DYM: variants seen among roughly 807,000 people sequenced by gnomAD.
The protein encoded by DYM is dyggve-Melchior-Clausen syndrome protein.
A neutral mutation model predicts 93.1 loss-of-function variants in DYM; 78 were observed. That is an observed-to-expected ratio of 0.84 (90% confidence interval 0.70 to 1.01). The LOEUF (loss-of-function observed/expected upper bound fraction) is 1.01, where lower values mean the gene tolerates loss of function less well. Among genes scored for constraint, DYM ranks in the 50% least tolerant of loss-of-function variants. The probability of loss-of-function intolerance (pLI) is 0.00; values close to 1 mark genes in which losing one functional copy is unlikely to be tolerated. For missense variants in DYM, 789 were observed against 845.0 expected, an observed-to-expected ratio of 0.93 and a Z score of 0.82; for synonymous variants, 321 against 319.7, an observed-to-expected ratio of 1.00 and a Z score of -0.04.
At chr18:49,090,609 A>C (rs2078958813) in intron 17 of DYM, among the ~76,000 whole-genome samples, 1 of 152,210 alleles carries the variant, frequency 6.6e-6, no homozygotes, top group Non-Finnish European at 1.5e-5. Flanking sequence ...CTCTACATGG[A>C]TCAGGGAAAG....
Position 49,414,584 on chromosome 18 carries a change from G to T in DYM, c.140+15671C>A, listed in dbSNP as rs1319963588. ...GGCTGTTCTGCTACACGGGCCTTTT[G>T]CTGCTCTTCTAACAAGCAGAACTTA... On this transcript the variant is annotated intron_variant, in intron 2 of 17. Coordinates refer to ENST00000675505, the MANE Select transcript of DYM (RefSeq NM_001353214.3). 2.0e-5 allele frequency among the ~76,000 whole-genome samples: 3 copies of T among 152,088 alleles called. No individual in the cohort carries two copies. In the East Asian group the frequency reaches 5.8e-4, roughly 29 times the overall value.
At chr18:49,348,011 G>T (rs1219691633) in intron 6 of DYM, among the ~76,000 whole-genome samples, 3 of 152,188 alleles carry the variant, frequency 2.0e-5, no homozygotes, top group Non-Finnish European at 4.4e-5. Flanking sequence ...GCTGGAGCAA[G>T]TTATTAATTT....
intron 13 of DYM, among the ~76,000 whole-genome samples, chr18:49,231,064 T>C (rs956294242): frequency 2.6e-5 from 4 of 152,208 alleles, no homozygotes; most frequent in African/African-American, 9.6e-5. Flanking sequence ...TTTAGATAGA[T>C]ATATTAGCTT....
intron 13 of DYM, among the ~76,000 whole-genome samples, chr18:49,220,614 A>C (rs1014238140): frequency 4.6e-5 from 7 of 152,068 alleles, no homozygotes; most frequent in African/African-American, 1.7e-4. Flanking sequence ...ATCTACAACT[A>C]TCTGATCGTT....
At chr18:49,132,293 G>A (rs1000958559) in intron 15 of DYM, among the ~76,000 whole-genome samples, 2 of 151,904 alleles carry the variant, frequency 1.3e-5, no homozygotes, top group Non-Finnish European at 2.9e-5. Flanking sequence ...TGAGATATGG[G>A]GGTTCATTAA....
intron 17 of DYM, among the ~76,000 whole-genome samples, chr18:49,056,667 A>G (rs1381500523): frequency 3.3e-5 from 5 of 151,540 alleles, no homozygotes; most frequent in Non-Finnish European, 2.9e-5. Context: ...ACTCCCTAGT[A>G]GCAGGGACTA....
At chr18:49,409,482 C>T (rs2148169893) in intron 2 of DYM, among the ~76,000 whole-genome samples, 1 of 152,196 alleles carries the variant, frequency 6.6e-6, no homozygotes, top group East Asian at 1.9e-4. Flanking sequence ...GATCTGCTCT[C>T]CACCACAACT....
Position 49,435,408 on chromosome 18 carries a change from T to C in DYM, c.-53-4961A>G, listed in dbSNP as rs534946864. On this transcript the variant is annotated intron_variant, in intron 1 of 17. Coordinates refer to ENST00000675505, the MANE Select transcript of DYM (RefSeq NM_001353214.3). ...TAAATGTAGATTACAAACTCTAGGG[T>C]AAACACTAAAACAGTAAAAAAAAAA... Among the ~76,000 whole-genome samples the C allele has an allele frequency of 6.0e-5, 7 of 116,546 alleles. No individual in the cohort carries two copies. The East Asian group carries it at 1.7e-3, about 28-fold the overall frequency. 76.5% of individuals were successfully genotyped at this position (116,546 alleles called of 152,430 possible).
chr18:49,423,710 G>A (rs1279328471), intron 2 of DYM, among the ~76,000 whole-genome samples: 2 of 151,992 alleles, frequency 1.3e-5, no homozygotes, highest in East Asian at 1.9e-4. Flanking sequence ...AATGATAAAG[G>A]GGATATCACT....
intron 14 of DYM, among the ~76,000 whole-genome samples, chr18:49,175,353 T>A (rs984649769): frequency 6.6e-6 from 1 of 152,208 alleles, no homozygotes; most frequent in Admixed American, 6.6e-5. Context: ...TCTTAGTTGA[T>A]TTTAGTTTAA....
chr18:49,167,755 C>T (rs116899515), intron 14 of DYM, among the ~76,000 whole-genome samples: 1,757 of 152,240 alleles, frequency 0.012, 9 homozygotes, highest in Non-Finnish European at 0.017. Context: ...TAAAAATGAT[C>T]TTTAAGTTAG....
chr18:49,439,728 G>A (rs1450901543), intron 1 of DYM, among the ~76,000 whole-genome samples: 1 of 152,096 alleles, frequency 6.6e-6, no homozygotes, highest in Non-Finnish European at 1.5e-5. Context: ...AACAGGCCAG[G>A]AACTGTGGCT....
intron 5 of DYM, among the ~76,000 whole-genome samples, chr18:49,363,771 A>T (rs1329645312): frequency 6.6e-6 from 1 of 152,180 alleles, no homozygotes; most frequent in Non-Finnish European, 1.5e-5. Context: ...ACAGACAATG[A>T]GTCAAAGGTA....
chr18:49,085,515 G>T (rs1050341905), intron 17 of DYM, among the ~76,000 whole-genome samples: 2 of 150,962 alleles, frequency 1.3e-5, no homozygotes, highest in Non-Finnish European at 3.0e-5. Flanking sequence ...ATTAGTCAGA[G>T]ATTAGGAAGT....
chr18:49,253,838 T>A (rs1568109495), intron 13 of DYM, among the ~76,000 whole-genome samples: 1 of 152,186 alleles, frequency 6.6e-6, no homozygotes, highest in Non-Finnish European at 1.5e-5. Context: ...CTTTCTTTTT[T>A]GTTGTTATTA....
intron 17 of DYM, among the ~76,000 whole-genome samples, chr18:49,071,432 C>T (rs966215135): frequency 6.6e-6 from 1 of 152,236 alleles, no homozygotes; most frequent in Non-Finnish European, 1.5e-5. Context: ...ACCACGGACA[C>T]AATGCTCTAA....
intron 16 of DYM, among the ~76,000 whole-genome samples, chr18:49,107,045 A>T (rs974123695): frequency 6.6e-6 from 1 of 152,198 alleles, no homozygotes; most frequent in African/African-American, 2.4e-5. Context: ...AGGTACACCA[A>T]TCAGACGTAG....
rs1042259430 is a variant in DYM at position 49,406,626 on chromosome 18, C to A, written c.141-14981G>T. 2.0e-5 allele frequency among the ~76,000 whole-genome samples: 3 copies of A among 152,014 alleles called. 1 individual carries two copies. ...TTTATTATTGTAAAAATGAACCATC[C>A]CAAAATCACCAGGAGGCAACACTAA... On this transcript the variant is annotated intron_variant, in intron 2 of 17. Transcript: ENST00000675505.
chr18:49,262,621 T>C (rs892941801), intron 11 of DYM, among the ~76,000 whole-genome samples: 5 of 152,218 alleles, frequency 3.3e-5, no homozygotes, highest in African/African-American at 1.2e-4. Flanking sequence ...TAGTTCTTTT[T>C]TTAAAATGGA....
Sources: allele counts gnomAD v4.1 joint callset (sites outside exome capture counted in the v4.1 genomes callset), GRCh38; gene constraint gnomAD v4.1.1; transcripts MANE v1.5; gene names NCBI Gene and HGNC (gene_info 2026-07-23, HGNC 2026-07-21).